The following FAM171B variants were observed in gnomAD, a reference collection of about 807,000 sequenced individuals.
The protein encoded by FAM171B is family with sequence similarity 171 member B.
In FAM171B, 19 loss-of-function variants were observed where a neutral mutation model predicts 75.6. The observed-to-expected ratio is 0.25, with a 90% CI of 0.18 to 0.37. The LOEUF (loss-of-function observed/expected upper bound fraction) is 0.37. Among genes scored for constraint, FAM171B ranks in the 10% least tolerant of loss-of-function variants. The pLI, the probability that FAM171B is intolerant of heterozygous loss-of-function variation, is 1.00. For missense variants in FAM171B, 848 were observed against 982.4 expected, an observed-to-expected ratio of 0.86 and a Z score of 1.83; for synonymous variants, 367 against 361.7, an observed-to-expected ratio of 1.01 and a Z score of -0.17.
chr2:186,740,096 G>A (rs1310883766), intron 1 of FAM171B, 132 bp from the exon 2 acceptor site: 1 of 608,954 alleles, frequency 1.6e-6, no homozygotes, highest in Non-Finnish European at 2.8e-6. Flanking sequence ...ATTATTATAT[G>A]TATTTATGTG....
At chr2:186,744,668 A>T (rs2442316) in intron 3 of FAM171B, among the ~76,000 whole-genome samples, 1 of 151,912 alleles carries the variant, frequency 6.6e-6, no homozygotes, top group African/African-American at 2.4e-5. Context: ...GCTGGGATTA[A>T]AGGCATGTGC....
chr2:186,736,563 T>G (rs1275804396), intron 1 of FAM171B, among the ~76,000 whole-genome samples: 3 of 126,572 alleles, frequency 2.4e-5, no homozygotes, highest in African/African-American at 8.7e-5. Context: ...TGTGTGTGTG[T>G]GTGGGAGAGA....
At chr2:186,711,038 TG>T (rs959537479) in intron 1 of FAM171B, among the ~76,000 whole-genome samples, 1 of 152,126 alleles carries the variant, frequency 6.6e-6, no homozygotes, top group Non-Finnish European at 1.5e-5. Context: ...AAAATGGTAA[TG>T]GTAAAACAAT....
intron 3 of FAM171B, among the ~76,000 whole-genome samples, 197 bp from the exon 4 acceptor site, chr2:186,746,895 A>T (rs79821144): frequency 0.025 from 3,859 of 152,344 alleles, 90 homozygotes; most frequent in Non-Finnish European, 0.04. Flanking sequence ...CAGCAGAATC[A>T]ATCAGTACAA....
chr2:186,732,832 G>T (rs1690138841), intron 1 of FAM171B, among the ~76,000 whole-genome samples: 1 of 152,182 alleles, frequency 6.6e-6, no homozygotes, highest in Non-Finnish European at 1.5e-5. Context: ...TCATATTTCA[G>T]TTAAACTCTG....
rs1158787576 is a variant in FAM171B, at chr2:186,763,701, T to A, written c.*878T>A. The A allele has an allele frequency of 6.6e-6, 1 of 152,012 alleles. No homozygotes were observed. The allele number at this position is 152,012 out of a possible 1,614,324, so 9.4% of individuals were successfully genotyped here. ...TTTCTTCTATTCTAAAAACCTGAACTCAGTCACTTAAAGGCTATGAAATTT... is the reference window on the plus strand; with the variant it reads ...TTTCTTCTATTCTAAAAACCTGAACACAGTCACTTAAAGGCTATGAAATTT... On this transcript the variant is annotated 3_prime_UTR_variant, in exon 8 of 8. Transcript: ENST00000304698.
chr2:186,726,368 G>C (rs1336866547), intron 1 of FAM171B, among the ~76,000 whole-genome samples: 2 of 152,050 alleles, frequency 1.3e-5, no homozygotes, highest in South Asian at 2.1e-4. Context: ...CTATTTTACT[G>C]ATTTTTTTTA....
chr2:186,698,854 T>C (rs1190612094), intron 1 of FAM171B, among the ~76,000 whole-genome samples: 1 of 152,186 alleles, frequency 6.6e-6, no homozygotes, highest in African/African-American at 2.4e-5. Flanking sequence ...TGGTTTTACA[T>C]TTTAGTTCCC....
At position 186,763,369 on chromosome 2, in the gene FAM171B, A is replaced by G. The variant is rs891678181; in HGVS notation, c.*546A>G. The G allele has an allele frequency of 1.3e-5, 2 of 152,364 alleles. No homozygotes were observed. The highest frequency in any genetic ancestry group is 6.5e-5 in the Admixed American group (1 of 15,278). The allele number at this position is 152,364 out of a possible 1,614,324, so 9.4% of individuals were successfully genotyped here. ...GGTCTTTAAAGAGCATGTGTATTGTATCATCCCAAACGTAAATCCTACATT... is the reference window on the plus strand; with the variant it reads ...GGTCTTTAAAGAGCATGTGTATTGTGTCATCCCAAACGTAAATCCTACATT... On this transcript the variant is annotated 3_prime_UTR_variant, in exon 8 of 8. Coordinates refer to ENST00000304698, the MANE Select transcript of FAM171B (RefSeq NM_177454.4).
At chr2:186,724,680 A>G (rs1690005168) in intron 1 of FAM171B, among the ~76,000 whole-genome samples, 1 of 152,174 alleles carries the variant, frequency 6.6e-6, no homozygotes, top group Non-Finnish European at 1.5e-5. Context: ...GACTTTTAGA[A>G]AGTGAGGGAG....
In FAM171B at chr2:186,709,787, A is replaced by T. The variant is rs143678599; in HGVS notation, c.238+15376A>T. ...TCAAATTTCATTTCCACACCCCACCACAAGGCAGTGAGTGATTTAAAATAT... is the reference window on the plus strand; with the variant it reads ...TCAAATTTCATTTCCACACCCCACCTCAAGGCAGTGAGTGATTTAAAATAT... On this transcript the variant is annotated intron_variant, in intron 1 of 7. Transcript: ENST00000304698. Among the ~76,000 whole-genome samples, 443 of 152,276 alleles carry T rather than the reference A, an allele frequency of 2.9e-3. 4 individuals carry two copies. Among genetic ancestry groups the T allele is most frequent in the African/African-American group, 9.8e-3 (407 of 41,554 alleles).
At chr2:186,725,105 G>A (rs886838815) in intron 1 of FAM171B, among the ~76,000 whole-genome samples, 1 of 152,144 alleles carries the variant, frequency 6.6e-6, no homozygotes, top group Non-Finnish European at 1.5e-5. Context: ...ATCACTTTGG[G>A]AGGCCGAGGC....
intron 6 of FAM171B, among the ~76,000 whole-genome samples, chr2:186,758,012 T>C (rs1466055154): frequency 6.6e-6 from 1 of 152,198 alleles, no homozygotes; most frequent in Non-Finnish European, 1.5e-5. Context: ...GCTGTGCTTG[T>C]TTGTCTATTA....
chr2:186,709,718 T>G (rs1480127283), intron 1 of FAM171B, among the ~76,000 whole-genome samples: 5 of 152,166 alleles, frequency 3.3e-5, no homozygotes, highest in Non-Finnish European at 7.4e-5. Flanking sequence ...CCATTTCCCC[T>G]AATGTATCAT....
intron 1 of FAM171B, among the ~76,000 whole-genome samples, chr2:186,712,982 A>G (rs541463914): frequency 1.0e-3 from 155 of 152,324 alleles, no homozygotes; most frequent in Admixed American, 1.8e-3. Context: ...TGAAAGTTCT[A>G]TTTTTCACAA....
chr2:186,722,785 T>C (rs2105779421), intron 1 of FAM171B, among the ~76,000 whole-genome samples: 1 of 152,270 alleles, frequency 6.6e-6, no homozygotes, highest in Middle Eastern at 3.4e-3. Context: ...TAAAGCTCAT[T>C]CTATTGAAAA....
chr2:186,702,554 A>T (rs2105771101), intron 1 of FAM171B, among the ~76,000 whole-genome samples: 1 of 152,172 alleles, frequency 6.6e-6, no homozygotes, highest in South Asian at 2.1e-4. Flanking sequence ...TTCTTTTATG[A>T]TTGTTCGTGT....
At chr2:186,739,901 C>T (rs371065987) in intron 1 of FAM171B, among the ~76,000 whole-genome samples, 68 of 152,272 alleles carry the variant, frequency 4.5e-4, no homozygotes, top group African/African-American at 1.4e-3. Flanking sequence ...ACCATTAACA[C>T]GTGAGTAACA....
At chr2:186,722,178 T>G (rs1238075945) in intron 1 of FAM171B, among the ~76,000 whole-genome samples, 1 of 152,186 alleles carries the variant, frequency 6.6e-6, no homozygotes, top group African/African-American at 2.4e-5. Flanking sequence ...TAAAATGTCT[T>G]CTGGCACCCC....
Sources: gnomAD v4.1 joint callset for allele counts (sites outside exome capture counted in the v4.1 genomes callset) on GRCh38, gnomAD v4.1.1 for gene constraint, MANE v1.5 for transcripts, NCBI Gene and HGNC (gene_info 2026-07-23, HGNC 2026-07-21) for gene names.